The following ARHGEF28 variants were observed in gnomAD, a reference collection of about 807,000 sequenced individuals.
ARHGEF28 encodes the protein Rho guanine nucleotide exchange factor 28.
A neutral mutation model predicts 206.6 loss-of-function variants in ARHGEF28; 152 were observed. That is an observed-to-expected ratio of 0.74 (90% CI 0.64 to 0.84). The LOEUF is 0.84. Ranked by LOEUF, ARHGEF28 falls within the 40% of genes least tolerant of loss-of-function variation. The pLI is 0.00. For missense variants in ARHGEF28, 2,028 were observed against 2,073.2 expected (o/e 0.98, Z 0.42); for synonymous variants, 763 against 776.4 (o/e 0.98, Z 0.29).
intron 1 of ARHGEF28, among the ~76,000 whole-genome samples, chr5:73,666,968 G>T (rs2112204131): frequency 6.6e-6 from 1 of 151,770 alleles, no homozygotes. Flanking sequence ...GACCTCAAAA[G>T]CCGTAGCAGA....
intron 2 of ARHGEF28, among the ~76,000 whole-genome samples, chr5:73,690,570 A>G (rs1747758809): frequency 6.7e-6 from 1 of 150,182 alleles, no homozygotes. Flanking sequence ...TGGTGGCTCA[A>G]GCCTATAGTC....
chr5:73,873,054 C>A lies in ARHGEF28; in HGVS notation c.2622C>A (p.Ile874=). 1 of 1,613,686 alleles carries A rather than the reference C, an allele frequency of 6.2e-7. No individual in the cohort carries two copies. The highest frequency in any genetic ancestry group is 8.5e-7 in the Non-Finnish European group (1 of 1,179,772). ...AGACCCTGTTCATCATGTCTGAGATCTTCAGGAAAGGCATGAAAGAGGAGC... is the reference window on the plus strand; with the variant it reads ...AGACCCTGTTCATCATGTCTGAGATATTCAGGAAAGGCATGAAAGAGGAGC... ...HIQTLFIMSE[I]FRKGMKEELQ... is the part of the protein sequence containing the mutation. Residue 874 remains isoleucine, a synonymous_variant, in exon 22 of 36, where the codon ATC becomes ATA. Transcript: ENST00000513042.
chr5:73,643,092 G>C (rs967815546), intron 1 of ARHGEF28, among the ~76,000 whole-genome samples: 3 of 152,208 alleles, frequency 2.0e-5, no homozygotes, highest in South Asian at 2.1e-4. Flanking sequence ...TCATGAACAA[G>C]TGTTTGATTT....
chr5:73,932,281 C>A (rs2931429), intron 35 of ARHGEF28, among the ~76,000 whole-genome samples: 140,544 of 152,282 alleles, frequency 0.92, 64,855 homozygotes, highest in East Asian at 0.99. Flanking sequence ...TTTTTCATGG[C>A]GTAAAGAGCT....
chr5:73,681,320 T>A (rs775658372), intron 1 of ARHGEF28, among the ~76,000 whole-genome samples: 1 of 152,198 alleles, frequency 6.6e-6, no homozygotes. Flanking sequence ...ATTAATTTTT[T>A]AAATGCCTTC....
At chr5:73,813,212 C>G (rs1755949410) in intron 9 of ARHGEF28, among the ~76,000 whole-genome samples, 1 of 152,164 alleles carries the variant, frequency 6.6e-6, no homozygotes, top group Non-Finnish European at 1.5e-5. Flanking sequence ...AGCTCTCTTT[C>G]AATTCCCAGT....
At chr5:73,629,215 A>G (rs1743204719) in intron 1 of ARHGEF28, among the ~76,000 whole-genome samples, 1 of 151,922 alleles carries the variant, frequency 6.6e-6, no homozygotes, top group Non-Finnish European at 1.5e-5. Context: ...TTGGCTGGCC[A>G]GGGTGGGGGT....
chr5:73,845,011 A>G (rs985818302), intron 11 of ARHGEF28, among the ~76,000 whole-genome samples: 5 of 99,362 alleles, frequency 5.0e-5, no homozygotes, highest in African/African-American at 2.0e-4. Context: ...CAAAGGAATC[A>G]TTTTTTTTTT....
At chr5:73,662,456 C>T (rs1248308681) in intron 1 of ARHGEF28, among the ~76,000 whole-genome samples, 2 of 152,108 alleles carry the variant, frequency 1.3e-5, no homozygotes, top group African/African-American at 2.4e-5. Context: ...ACACACTTGT[C>T]CAAGTGAAGA....
chr5:73,695,686 C>T (rs1027136642), intron 2 of ARHGEF28, among the ~76,000 whole-genome samples: 16 of 152,184 alleles, frequency 1.1e-4, no homozygotes, highest in African/African-American at 2.4e-5. Context: ...CTTGATCAGT[C>T]ATCAAGACCT....
chr5:73,886,263 G>A (rs1319726765), intron 25 of ARHGEF28, among the ~76,000 whole-genome samples, 159 bp downstream of exon 25: 2 of 152,182 alleles, frequency 1.3e-5, no homozygotes, highest in Non-Finnish European at 2.9e-5. Context: ...AGGCAAATTT[G>A]GCCAATGATA....
At position 73,852,647 on chromosome 5, in the gene ARHGEF28, T is replaced by C. The variant is rs760816482; in HGVS notation, c.1748-3T>C. ...TTTCATTTTATTGTTCTGTGTCTTGTAGAGCAAAGAGCTTACAGCTTATCG... is the reference window on the plus strand; with the variant it reads ...TTTCATTTTATTGTTCTGTGTCTTGCAGAGCAAAGAGCTTACAGCTTATCG... On this transcript the variant is annotated splice_region_variant and splice_polypyrimidine_tract_variant and intron_variant, in intron 13 of 35. Coordinates refer to ENST00000513042, the MANE Select transcript of ARHGEF28 (RefSeq NM_001177693.2). 3 of 1,613,612 alleles carry C rather than the reference T, an allele frequency of 1.9e-6. No homozygotes were observed. The highest frequency in any genetic ancestry group is 2.2e-5 in the South Asian group (2 of 91,068).
intron 9 of ARHGEF28, among the ~76,000 whole-genome samples, chr5:73,816,297 T>C (rs917960081): frequency 6.6e-6 from 1 of 152,190 alleles, no homozygotes; most frequent in Non-Finnish European, 1.5e-5. Flanking sequence ...GTTTGTGAAC[T>C]GTAGTCTCTT....
rs138217794 is a variant in ARHGEF28, at chr5:73,650,277, CTTTTTTTTTTTTTTTT to C, written c.-12+23966_-12+23981del. Among the ~76,000 whole-genome samples the C allele has an allele frequency of 5.1e-4, 48 of 94,030 alleles. 1 individual carries two copies. The highest frequency in any genetic ancestry group is 1.9e-3 in the South Asian group (5 of 2,690). The allele number at this position is 94,030 out of a possible 152,430, so 61.7% of individuals were successfully genotyped here. A position where few individuals can be genotyped will look rare whatever the true frequency, so the allele number is the denominator to read the frequency against. On this transcript the variant is annotated intron_variant, in intron 1 of 35. Coordinates refer to ENST00000513042, the MANE Select transcript of ARHGEF28 (RefSeq NM_001177693.2). ...CACCTGAGAGATGTTTTCTTTCTTT[CTTTTTTTTTTTTTTTT>C]TTTTTTTTTTAGACGGAGTCTCATT...
intron 1 of ARHGEF28, among the ~76,000 whole-genome samples, chr5:73,631,709 G>C (rs1343680785): frequency 6.6e-6 from 1 of 152,150 alleles, no homozygotes; most frequent in East Asian, 1.9e-4. Context: ...GCCTCCTGCT[G>C]TTTCTCCCTT....
intron 2 of ARHGEF28, among the ~76,000 whole-genome samples, chr5:73,739,855 AT>A (rs1751261114): frequency 2.0e-5 from 3 of 147,966 alleles, no homozygotes; most frequent in Non-Finnish European, 4.5e-5. Flanking sequence ...AAATAAATAA[AT>A]AAATAAATAA....
intron 9 of ARHGEF28, among the ~76,000 whole-genome samples, chr5:73,808,909 C>G (rs901595760): frequency 2.6e-5 from 4 of 152,140 alleles, no homozygotes; most frequent in African/African-American, 9.7e-5. Context: ...TGCACATTGC[C>G]ATGTCTCAGT....
In ARHGEF28 at chr5:73,840,779, G is replaced by C. The variant is rs1757941333; in HGVS notation, c.1427+19G>C. On this transcript the variant is annotated intron_variant, in intron 11 of 35. Coordinates refer to ENST00000513042, the MANE Select transcript of ARHGEF28 (RefSeq NM_001177693.2). ...AAAGAAGGTAAGAGTCTATATTGTA[G>C]AGGAAAACTGTAGAACATCAAAGAA... 3 of 1,591,716 alleles carry C rather than the reference G, an allele frequency of 1.9e-6. No individual in the cohort carries two copies. The highest frequency in any genetic ancestry group is 2.6e-6 in the Non-Finnish European group (3 of 1,168,806).
chr5:73,911,771 G>A (rs1762921248), intron 35 of ARHGEF28, 196 bp downstream of exon 35: 1 of 595,550 alleles, frequency 1.7e-6, no homozygotes, highest in Non-Finnish European at 2.9e-6. Flanking sequence ...ACCTAGACAA[G>A]TGAGACCATG....
Sources: allele counts gnomAD v4.1 joint callset (sites outside exome capture counted in the v4.1 genomes callset), GRCh38; gene constraint gnomAD v4.1.1; transcripts MANE v1.5; gene names NCBI Gene and HGNC (gene_info 2026-07-23, HGNC 2026-07-21).